Variants in CLVS1 observed in about 807,000 individuals in gnomAD.
CLVS1 encodes the protein clavesin-1.
CLVS1 carries 10 observed loss-of-function variants against 33.1 expected under a neutral mutation model. The observed-to-expected ratio is 0.30, with a 90% confidence interval of 0.19 to 0.51. The LOEUF (loss-of-function observed/expected upper bound fraction) is 0.51, where lower values mean the gene tolerates loss of function less well. Ranked by LOEUF, CLVS1 falls within the 20% of genes least tolerant of loss-of-function variation. The probability of loss-of-function intolerance (pLI) is 0.97; values close to 1 mark genes in which losing one functional copy is unlikely to be tolerated. For missense variants in CLVS1, 343 were observed against 433.4 expected (o/e 0.79, Z 1.85); for synonymous variants, 163 against 166.1 (o/e 0.98, Z 0.14).
intron 5 of CLVS1, among the ~76,000 whole-genome samples, chr8:61,472,291 C>T (rs2129607777): frequency 6.6e-6 from 1 of 152,186 alleles, no homozygotes. Flanking sequence ...CTGTGCCTCA[C>T]TTATTCCCTA....
At chr8:61,311,072 G>A (rs1810814400) in intron 2 of CLVS1, among the ~76,000 whole-genome samples, 1 of 152,138 alleles carries the variant, frequency 6.6e-6, no homozygotes, top group Non-Finnish European at 1.5e-5. Context: ...AAGTGAGGTG[G>A]TTTTCCTATT....
chr8:61,320,845 A>G (rs1811169985), intron 2 of CLVS1, among the ~76,000 whole-genome samples: 1 of 152,168 alleles, frequency 6.6e-6, no homozygotes, highest in South Asian at 2.1e-4. Flanking sequence ...GGGTTGGGGA[A>G]CACAAACCTC....
At chr8:61,312,240 C>T (rs889335560) in intron 2 of CLVS1, among the ~76,000 whole-genome samples, 18 of 152,202 alleles carry the variant, frequency 1.2e-4, no homozygotes, top group African/African-American at 4.1e-4. Flanking sequence ...CCAGCTCCCC[C>T]GCCCTTTCGA....
At chr8:61,386,914 T>C (rs1814106822) in intron 3 of CLVS1, among the ~76,000 whole-genome samples, 1 of 152,154 alleles carries the variant, frequency 6.6e-6, no homozygotes, top group Non-Finnish European at 1.5e-5. Context: ...AATAAGAATA[T>C]GAAAAAGATT....
At chr8:61,074,204 GGT>G (rs1804857072) in intron 1 of CLVS1, among the ~76,000 whole-genome samples, 1 of 150,554 alleles carries the variant, frequency 6.6e-6, no homozygotes, top group Non-Finnish European at 1.5e-5. Context: ...TGGGTGTGGT[GGT>G]GCATGCCTGT....
intron 2 of CLVS1, among the ~76,000 whole-genome samples, chr8:61,259,811 C>T (rs575271295): frequency 5.3e-5 from 8 of 152,324 alleles, no homozygotes; most frequent in East Asian, 1.9e-4. Flanking sequence ...AGGATATTGG[C>T]GGTGTGGCAG....
chr8:61,199,274 A>G (rs187205208), intron 2 of CLVS1, among the ~76,000 whole-genome samples: 12 of 152,364 alleles, frequency 7.9e-5, no homozygotes, highest in Admixed American at 2.0e-4. Flanking sequence ...AATTAAACTA[A>G]AAAGCTCTGC....
At chr8:61,067,654 G>C (rs1188660871) in intron 1 of CLVS1, among the ~76,000 whole-genome samples, 2 of 152,086 alleles carry the variant, frequency 1.3e-5, no homozygotes, top group African/African-American at 4.8e-5. Flanking sequence ...AGGATTGCCT[G>C]AGGCCAGGAG....
At chr8:61,456,865 C>A (rs1185482931) in intron 4 of CLVS1, among the ~76,000 whole-genome samples, 1 of 150,886 alleles carries the variant, frequency 6.6e-6, no homozygotes, top group Admixed American at 6.6e-5. Flanking sequence ...TTGCAGTGAG[C>A]CGAGATTGCA....
chr8:61,365,778 T>TGC lies in CLVS1; in HGVS notation c.456-10826_456-10825insCG, dbSNP rs1215276779. On this transcript the variant is annotated intron_variant, in intron 2 of 5. Coordinates refer to ENST00000325897, the MANE Select transcript of CLVS1 (RefSeq NM_173519.3). ...GGGTGTGTGTGTGTGTGTGTGTGCG[T>TGC]GTGTGTGTGTGTGTGTTGTCCATCA... 3.6e-5 allele frequency among the ~76,000 whole-genome samples: 4 copies of TGC among 112,564 alleles called. No individual in the cohort carries two copies. The East Asian group carries it at 7.9e-4, about 22-fold the overall frequency. The allele number at this position is 112,564 out of a possible 152,430, so 73.8% of individuals were successfully genotyped here. A position where few individuals can be genotyped will look rare whatever the true frequency, so the allele number is the denominator to read the frequency against.
At chr8:61,462,351 C>T (rs923524809) in intron 5 of CLVS1, among the ~76,000 whole-genome samples, 2 of 152,038 alleles carry the variant, frequency 1.3e-5, no homozygotes, top group Non-Finnish European at 1.5e-5. Flanking sequence ...TAGCTATAGT[C>T]TTATGAAATG....
intron 3 of CLVS1, among the ~76,000 whole-genome samples, chr8:61,419,032 G>A (rs528163506): frequency 2.9e-4 from 44 of 152,312 alleles, no homozygotes; most frequent in African/African-American, 8.7e-4. Context: ...TGGGAGAGGT[G>A]TTGGATGAAT....
chr8:61,179,377 C>A (rs1201579350), intron 2 of CLVS1, among the ~76,000 whole-genome samples: 2 of 152,084 alleles, frequency 1.3e-5, no homozygotes, highest in East Asian at 3.9e-4. Flanking sequence ...ACTTAGACTC[C>A]CCCACCATAA....
At chr8:61,486,128 AAATAAATGGGAGAGTG>A (rs1207033731) in intron 5 of CLVS1, among the ~76,000 whole-genome samples, 1 of 150,622 alleles carries the variant, frequency 6.6e-6, no homozygotes. Flanking sequence ...TAAATAAATA[AAATAAATGGGAGAGTG>A]ATGCCTCCAG....
At chr8:61,496,997 A>T (rs975462453) in intron 5 of CLVS1, among the ~76,000 whole-genome samples, 1 of 152,232 alleles carries the variant, frequency 6.6e-6, no homozygotes, top group African/African-American at 2.4e-5. Context: ...ATGTTAATAT[A>T]TGTCAATGTA....
chr8:61,453,388 T>G (rs1367755714), intron 3 of CLVS1, among the ~76,000 whole-genome samples: 1 of 152,146 alleles, frequency 6.6e-6, no homozygotes, highest in Non-Finnish European at 1.5e-5. Context: ...CTGATCTGGA[T>G]TCTAAATTTG....
intron 1 of CLVS1, among the ~76,000 whole-genome samples, chr8:61,101,696 A>C (rs921175252): frequency 6.6e-6 from 1 of 152,110 alleles, no homozygotes; most frequent in Non-Finnish European, 1.5e-5. Context: ...CCAAGGCACA[A>C]ATATTTACCC....
chr8:61,328,565 AG>A (rs1436785217), intron 2 of CLVS1, among the ~76,000 whole-genome samples: 1 of 152,020 alleles, frequency 6.6e-6, no homozygotes, highest in African/African-American at 2.4e-5. Context: ...TCCTCATCAA[AG>A]AACTGTCATT....
chr8:61,392,085 A>G (rs558985429), intron 3 of CLVS1, among the ~76,000 whole-genome samples: 2 of 152,350 alleles, frequency 1.3e-5, no homozygotes, highest in South Asian at 4.1e-4. Context: ...TAGGGAAAAT[A>G]ATCAACTTTG....
Sources: gnomAD v4.1 joint callset for allele counts (sites outside exome capture counted in the v4.1 genomes callset) on GRCh38, gnomAD v4.1.1 for gene constraint, MANE v1.5 for transcripts, NCBI Gene and HGNC (gene_info 2026-07-23, HGNC 2026-07-21) for gene names.